The following BAIAP2 variants were observed in gnomAD, a reference collection of about 807,000 sequenced individuals.
BAIAP2 encodes the protein BAR/IMD domain containing adaptor protein 2.
BAIAP2 carries 18 observed loss-of-function variants against 63.0 expected under a neutral mutation model. The observed-to-expected ratio is 0.29, with a 90% CI of 0.20 to 0.42. BAIAP2 has a LOEUF of 0.42. Among genes scored for constraint, BAIAP2 ranks in the 10% least tolerant of loss-of-function variants. The pLI is 1.00. For missense variants in BAIAP2, 610 were observed against 734.3 expected, an observed-to-expected ratio of 0.83 and a Z score of 1.96; for synonymous variants, 386 against 307.6, an observed-to-expected ratio of 1.25 and a Z score of -2.67.
intron 3 of BAIAP2, among the ~76,000 whole-genome samples, chr17:81,080,575 C>G (rs946291387): frequency 3.3e-5 from 5 of 151,888 alleles, no homozygotes; most frequent in African/African-American, 1.2e-4. Context: ...TACTCTTTTT[C>G]TTTTTGGATT....
intron 3 of BAIAP2, among the ~76,000 whole-genome samples, chr17:81,071,463 C>T (rs1411135345): frequency 6.6e-6 from 1 of 152,232 alleles, no homozygotes; most frequent in Non-Finnish European, 1.5e-5. Flanking sequence ...TGGATAGCTA[C>T]TTCAGAAGGC....
intron 2 of BAIAP2, among the ~76,000 whole-genome samples, chr17:81,055,191 C>G (rs72852923): frequency 2.0e-5 from 3 of 152,120 alleles, no homozygotes; most frequent in Non-Finnish European, 4.4e-5. Flanking sequence ...GGTCAGCCCT[C>G]GTTCCTTTTT....
At chr17:81,047,665 C>A (rs2048021209) in intron 1 of BAIAP2, among the ~76,000 whole-genome samples, 1 of 151,992 alleles carries the variant, frequency 6.6e-6, no homozygotes, top group Non-Finnish European at 1.5e-5. Context: ...GCTCATAGCA[C>A]ACACACAGGT....
In BAIAP2 at chr17:81,117,182, G is replaced by GGA. The variant is rs2060571392; in HGVS notation, c.*1347_*1348dup. 1 of 152,228 alleles carries GGA rather than the reference G, an allele frequency of 6.6e-6. No homozygotes were observed. Among genetic ancestry groups the GGA allele is most frequent in the African/African-American group, 2.4e-5 (1 of 41,400 alleles). The allele number at this position is 152,228 out of a possible 1,614,324, so 9.4% of individuals were successfully genotyped here. A position where few individuals can be genotyped will look rare whatever the true frequency, so the allele number is the denominator to read the frequency against. ...TGTGCCGAGGACAGTGGGGAGGAGA[G>GGA]GAGAGGGGCAGCTTCCTCCTGGCCC... On this transcript the variant is annotated 3_prime_UTR_variant, in exon 14 of 14. Transcript: ENST00000428708.
chr17:81,110,818 G>T, intron 13 of BAIAP2: 1 of 1,499,264 alleles, frequency 6.7e-7, no homozygotes. Context: ...CAGGGTTCTA[G>T]GTCTCCTGGC....
chr17:81,103,668 C>T lies in BAIAP2; in HGVS notation c.809C>T (p.Pro270Leu). ...AAGTCCAACCTGGTCATTTCCGACC[C>T]CATTCCGGGGGCCAAGCCCCTGCCG... ...ASKSNLVISD[P>L]IPGAKPLPVP... The change falls in exon 8 of 14, where the codon CCC (proline) becomes CTC (leucine). Residue 270 changes from proline (P) to leucine (L), a missense_variant. This residue lies in a region of BAIAP2 where 389 missense variants were observed against 455.6 expected (regional missense o/e 0.85). Transcript: ENST00000428708. 6.2e-7 allele frequency: 1 copy of T among 1,600,634 alleles called. No homozygotes were observed. The highest frequency in any genetic ancestry group is 1.3e-5 in the African/African-American group (1 of 74,852).
intron 2 of BAIAP2, 156 bp from the exon 3 acceptor site, chr17:81,057,725 G>C (rs2049828671): frequency 2.1e-6 from 3 of 1,410,298 alleles, no homozygotes; most frequent in African/African-American, 2.9e-5. Context: ...GATGGGTTCT[G>C]TCCAACCCAG....
At chr17:81,037,227 C>A (rs561032115) in intron 1 of BAIAP2, among the ~76,000 whole-genome samples, 1 of 152,342 alleles carries the variant, frequency 6.6e-6, no homozygotes, top group African/African-American at 2.4e-5. Context: ...GTGATTTTCC[C>A]AAGTGAAGAT....
rs553070390 is a variant in BAIAP2 at position 81,106,988 on chromosome 17, G to A, written c.1500+81G>A. On this transcript the variant is annotated intron_variant, in intron 12 of 13. Transcript: ENST00000428708. ...CCTGCAGTCCCCCGTTGGAGCCTCC[G>A]CTGAGGGGCGGGGCGCCTGGGGGTC... The A allele has an allele frequency of 2.4e-4, 339 of 1,428,064 alleles. 5 individuals carry two copies. The South Asian group carries it at 4.3e-3, about 18-fold the overall frequency. 88.5% of individuals were successfully genotyped at this position (1,428,064 alleles called of 1,614,324 possible).
intron 6 of BAIAP2, among the ~76,000 whole-genome samples, chr17:81,088,131 G>A (rs1019968943): frequency 1.3e-5 from 2 of 152,060 alleles, no homozygotes; most frequent in African/African-American, 4.8e-5. Context: ...AGCAGCGGAC[G>A]GCACCCCTGC....
At chr17:81,079,973 A>G (rs897349901) in intron 3 of BAIAP2, among the ~76,000 whole-genome samples, 7 of 152,104 alleles carry the variant, frequency 4.6e-5, no homozygotes, top group Admixed American at 3.3e-4. Flanking sequence ...CCGAGAACGC[A>G]TGGCCTCACG....
intron 10 of BAIAP2, chr17:81,104,944 G>GGA: frequency 2.1e-6 from 1 of 481,516 alleles, no homozygotes; most frequent in Non-Finnish European, 3.8e-6. Flanking sequence ...CCCTGCAGGG[G>GGA]TCTTCCCCTA....
chr17:81,105,805 C>T, intron 10 of BAIAP2: 1 of 391,114 alleles, frequency 2.6e-6, no homozygotes, highest in Non-Finnish European at 4.7e-6. Flanking sequence ...GGAGCAACTG[C>T]TCTGCCCGGG....
intron 1 of BAIAP2, among the ~76,000 whole-genome samples, chr17:81,040,936 G>A (rs2046991168): frequency 6.6e-6 from 1 of 152,220 alleles, no homozygotes. Context: ...GGAGATGGTG[G>A]GGAGGTAGGG....
rs577926429 is a variant in BAIAP2, at chr17:81,064,146, C to T, written c.217+6179C>T. On this transcript the variant is annotated intron_variant, in intron 3 of 13. Coordinates refer to ENST00000428708, the MANE Select transcript of BAIAP2 (RefSeq NM_001144888.2). ...GTGCCAACCCTGGCTGCCCTTCTTC[C>T]TCCTCTTCTCATTCCTTCCCCACTT... Among the ~76,000 whole-genome samples, 4 of 152,370 alleles carry T rather than the reference C, an allele frequency of 2.6e-5. No individual in the cohort carries two copies. In the East Asian group the frequency reaches 7.7e-4, roughly 29 times the overall value.
intron 1 of BAIAP2, among the ~76,000 whole-genome samples, chr17:81,049,856 G>A (rs969772305): frequency 6.6e-6 from 1 of 152,246 alleles, no homozygotes; most frequent in Non-Finnish European, 1.5e-5. Flanking sequence ...AGGCGGGACT[G>A]GAGTGTATGC....
chr17:81,098,378 A>G (rs1402615339), intron 6 of BAIAP2, among the ~76,000 whole-genome samples: 2 of 151,110 alleles, frequency 1.3e-5, no homozygotes, highest in Non-Finnish European at 2.9e-5. Flanking sequence ...GGGCTCAGCT[A>G]CAGTTTCTTG....
intron 11 of BAIAP2, 152 bp from the exon 12 acceptor site, chr17:81,106,593 C>A: frequency 1.2e-6 from 1 of 867,838 alleles, no homozygotes; most frequent in Non-Finnish European, 1.8e-6. Flanking sequence ...TGGCCCGGCC[C>A]ATGGTCCCCA....
chr17:81,098,354 C>G (rs748468163), intron 6 of BAIAP2, among the ~76,000 whole-genome samples: 3 of 152,172 alleles, frequency 2.0e-5, no homozygotes, highest in African/African-American at 7.2e-5. Context: ...CCGAGGCTCA[C>G]GTTGGAGAGG....
Sources: gnomAD v4.1 joint callset for allele counts (sites outside exome capture counted in the v4.1 genomes callset) on GRCh38, gnomAD v4.1.1 for gene constraint, gnomAD v4.1.1 regional missense constraint, MANE v1.5 for transcripts, NCBI Gene and HGNC (gene_info 2026-07-23, HGNC 2026-07-21) for gene names.